The following DNA2 variants were observed in gnomAD, a reference collection of about 807,000 sequenced individuals.
DNA2 encodes DNA replication ATP-dependent helicase/nuclease DNA2.
A neutral mutation model predicts 119.1 loss-of-function variants in DNA2; 101 were observed. That is an observed-to-expected ratio of 0.85 (90% CI 0.72 to 1.00). The LOEUF (loss-of-function observed/expected upper bound fraction) is 1.00. DNA2 is among the 50% of genes least tolerant of loss of function. DNA2 has a pLI of 0.00. For synonymous variants in DNA2, 366 were observed against 424.4 expected, an observed-to-expected ratio of 0.86 and a Z score of 1.69; for missense variants, 1,121 against 1,255.5, an observed-to-expected ratio of 0.89 and a Z score of 1.62.
Position 68,437,066 on chromosome 10 carries a change from A to C in DNA2, c.1591T>G (p.Ser531Ala), listed in dbSNP as rs1258405290. Residue 531 changes from serine (S) to alanine (A), a missense_variant, in exon 10 of 21, where the codon TCT (serine) becomes GCT (alanine). Transcript: ENST00000358410. ...TTAATCTCCTTCACATATCCTCTAG[A>C]CAAAGCAAACAGTGACCTTTCTTCT... Reference protein sequence around the residue: ...SGEERSLFALSRGYVKEINMT... With the variant: ...SGEERSLFALARGYVKEINMT... The C allele has an allele frequency of 5.6e-6, 9 of 1,613,816 alleles. No individual in the cohort carries two copies. The East Asian group carries it at 2.0e-4, about 36-fold the overall frequency.
Position 68,415,020 on chromosome 10 carries a change from A to G in DNA2, c.*19T>C, listed in dbSNP as rs1223732943. ...GAGGAGATACTGCCCTAGTATGAAAAGGCAAGGGAAATAGTGTTTTATTCT... is the reference window on the plus strand; with the variant it reads ...GAGGAGATACTGCCCTAGTATGAAAGGGCAAGGGAAATAGTGTTTTATTCT... On this transcript the variant is annotated 3_prime_UTR_variant, in exon 21 of 21. Transcript: ENST00000358410. 2 of 1,541,104 alleles carry G rather than the reference A, an allele frequency of 1.3e-6. No individual in the cohort carries two copies. The highest frequency in any genetic ancestry group is 8.8e-7 in the Non-Finnish European group (1 of 1,130,700).
At chr10:68,445,115 A>G (rs1448042686) in intron 7 of DNA2, 32 bp from the exon 8 acceptor site, 24 of 1,539,834 alleles carry the variant, frequency 1.6e-5, no homozygotes, top group Non-Finnish European at 2.0e-5. Context: ...TCTTTTTAAG[A>G]GTTAAATAAA....
chr10:68,451,597 A>T (rs1590067903), intron 5 of DNA2, among the ~76,000 whole-genome samples: 1 of 85,662 alleles, frequency 1.2e-5, no homozygotes, highest in East Asian at 5.4e-4. Context: ...AATCTTACAT[A>T]AAAAAAGATG....
At chr10:68,432,014 T>A in intron 12 of DNA2, 43 bp from the exon 13 acceptor site, 1 of 1,459,182 alleles carries the variant, frequency 6.9e-7, no homozygotes. Flanking sequence ...AGTGTTGAAT[T>A]TCAAAGGAAA....
chr10:68,420,233 G>A (rs1004057693), intron 17 of DNA2, among the ~76,000 whole-genome samples: 5 of 152,084 alleles, frequency 3.3e-5, no homozygotes, highest in African/African-American at 1.2e-4. Flanking sequence ...AATAAACTGT[G>A]GCACTACTAT....
rs559360699 is a variant in DNA2, at chr10:68,430,181, G to A, written c.2208+255C>T. Among the ~76,000 whole-genome samples the A allele has an allele frequency of 2.0e-5, 3 of 152,130 alleles. No homozygotes were observed. In the East Asian group the frequency reaches 5.8e-4, roughly 29 times the overall value. ...ATTACAAGCGTAAGCCATCGCACCT[G>A]GCTGAAACCCTGATTATTAGTAGTT... is the stretch of plus-strand genomic sequence containing the variant. On this transcript the variant is annotated intron_variant, in intron 14 of 20. Transcript: ENST00000358410.
chr10:68,432,320 A>G lies in DNA2; in HGVS notation c.1764-5T>C. The G allele has an allele frequency of 6.3e-7, 1 of 1,588,668 alleles. No homozygotes were observed. The highest frequency in any genetic ancestry group is 1.1e-5 in the South Asian group (1 of 86,984). ...ATTAAATCTCGAAGTTTTTTGCTGA[A>G]AAGTGAAAAAGCACTTTTAGTAATA... On this transcript the variant is annotated splice_polypyrimidine_tract_variant and splice_region_variant and intron_variant, in intron 11 of 20. Transcript: ENST00000358410.
At chr10:68,424,917 G>C (rs2051717357) in intron 14 of DNA2, 1 of 704,492 alleles carries the variant, frequency 1.4e-6, no homozygotes, top group Non-Finnish European at 2.7e-6. Flanking sequence ...AAAAATTATT[G>C]AACACAAAGC....
chr10:68,444,827 G>T (rs2052016834), intron 8 of DNA2, 94 bp downstream of exon 8: 126 of 660,460 alleles, frequency 1.9e-4, no homozygotes, highest in Middle Eastern at 4.1e-4. Flanking sequence ...TAACTAAAAT[G>T]ATGTTATCAA....
rs2051558023 is a variant in DNA2, at chr10:68,414,079, AATTT to A, written c.*956_*959del. On this transcript the variant is annotated 3_prime_UTR_variant, in exon 21 of 21. Coordinates refer to ENST00000358410, the MANE Select transcript of DNA2 (RefSeq NM_001080449.3). ...ACAGTTAAGATCCATTAGTAGAAAA[AATTT>A]ATTAAATAAAAAACTTCAAGTAATA... 6.6e-6 allele frequency: 1 copy of A among 151,874 alleles called. No individual in the cohort carries two copies. Among genetic ancestry groups the A allele is most frequent in the South Asian group, 2.1e-4 (1 of 4,826 alleles). 9.4% of individuals were successfully genotyped at this position (151,874 alleles called of 1,614,324 possible). A position where few individuals can be genotyped will look rare whatever the true frequency, so the allele number is the denominator to read the frequency against.
chr10:68,440,424 A>G (rs1255643790), intron 9 of DNA2, among the ~76,000 whole-genome samples: 1 of 151,812 alleles, frequency 6.6e-6, no homozygotes, highest in Non-Finnish European at 1.5e-5. Flanking sequence ...CAGCCTTGGG[A>G]GTAGCTGGGA....
Position 68,471,774 on chromosome 10 carries a change from C to T in DNA2, c.74+17G>A, listed in dbSNP as rs751271252. 1.1e-5 allele frequency: 18 copies of T among 1,584,592 alleles called. No homozygotes were observed. The highest frequency in any genetic ancestry group is 3.6e-4 in the Middle Eastern group (2 of 5,624). ...ATCTCCCGCTTTGTTCCCACACCCTCCCCCCTCTCCGCTCACAGCTCCGCC... is the reference window on the plus strand; with the variant it reads ...ATCTCCCGCTTTGTTCCCACACCCTTCCCCCTCTCCGCTCACAGCTCCGCC... On this transcript the variant is annotated intron_variant, in intron 1 of 20. Coordinates refer to ENST00000358410, the MANE Select transcript of DNA2 (RefSeq NM_001080449.3).
chr10:68,456,966 C>T (rs1485466308), intron 5 of DNA2, among the ~76,000 whole-genome samples: 1 of 151,638 alleles, frequency 6.6e-6, no homozygotes, highest in East Asian at 2.0e-4. Context: ...AACCCCGGCT[C>T]TACTAAAAAT....
At chr10:68,418,642 T>C (rs2133355058) in intron 19 of DNA2, among the ~76,000 whole-genome samples, 1 of 150,472 alleles carries the variant, frequency 6.6e-6, no homozygotes, top group African/African-American at 2.4e-5. Context: ...CCTCTCTGTG[T>C]CCACATGTTC....
chr10:68,452,652 G>A (rs779992249), intron 5 of DNA2, among the ~76,000 whole-genome samples: 1 of 151,282 alleles, frequency 6.6e-6, no homozygotes, highest in South Asian at 2.1e-4. Context: ...GTTTACTGCA[G>A]CTTCGACCTC....
Position 68,414,929 on chromosome 10 carries a change from C to T in DNA2, c.*110G>A. ...TTTCACAGTTTTCGGTACACCTGTG[C>T]TTTAAAACATAAATACTGCATTAAA... is the stretch of plus-strand genomic sequence containing the variant. On this transcript the variant is annotated 3_prime_UTR_variant, in exon 21 of 21. Coordinates refer to ENST00000358410, the MANE Select transcript of DNA2 (RefSeq NM_001080449.3). The T allele has an allele frequency of 1.5e-6, 1 of 659,342 alleles. No individual in the cohort carries two copies. Among genetic ancestry groups the T allele is most frequent in the Admixed American group, 3.0e-5 (1 of 33,550 alleles). The allele number at this position is 659,342 out of a possible 1,614,324, so 40.8% of individuals were successfully genotyped here.
chr10:68,458,416 C>T (rs2052212738), intron 5 of DNA2, among the ~76,000 whole-genome samples: 1 of 151,066 alleles, frequency 6.6e-6, no homozygotes, highest in Admixed American at 6.6e-5. Flanking sequence ...GCCTGTAATC[C>T]CAGGTACTTG....
In DNA2 at chr10:68,443,000, C is replaced by A; in HGVS notation, c.1332G>T (p.Trp444Cys). Residue 444 changes from tryptophan (W) to cysteine (C), a missense_variant, in exon 9 of 21, where the codon TGG becomes TGT. By Grantham distance (215) the Trp-to-Cys change is radical. Transcript: ENST00000358410. ...GTGACTCCAGGGTTAACATTAGACA[C>A]CAAAGGCTGAAATATTCTAAGTGTG... Reference protein sequence around the residue: ...KQTHLEYFSLWCLMLTLESQS... With the variant: ...KQTHLEYFSLCCLMLTLESQS... 1 of 1,611,938 alleles carries A rather than the reference C, an allele frequency of 6.2e-7. No homozygotes were observed. The highest frequency in any genetic ancestry group is 8.5e-7 in the Non-Finnish European group (1 of 1,178,902).
At position 68,426,651 on chromosome 10, in the gene DNA2, G is replaced by A. The variant is rs546217537; in HGVS notation, c.2209-3761C>T. On this transcript the variant is annotated intron_variant, in intron 14 of 20. Transcript: ENST00000358410. ...GAGATGGAGACCAACCTGTCTAAGA[G>A]ACGGTGAAACCCCGTCTCTACTAAA... Among the ~76,000 whole-genome samples the A allele has an allele frequency of 1.6e-3, 241 of 151,606 alleles. 1 individual carries two copies. Among genetic ancestry groups the A allele is most frequent in the Non-Finnish European group, 3.2e-3 (216 of 67,936 alleles).
Sources: allele counts gnomAD v4.1 joint callset (sites outside exome capture counted in the v4.1 genomes callset), GRCh38; gene constraint gnomAD v4.1.1; transcripts MANE v1.5; gene names NCBI Gene and HGNC (gene_info 2026-07-23, HGNC 2026-07-21).